C12orf75: variants seen among roughly 807,000 people sequenced by gnomAD.
C12orf75 encodes the protein chromosome 12 open reading frame 75, also known as overexpressed in colon carcinoma 1 protein.
A neutral mutation model predicts 11.4 loss-of-function variants in C12orf75; 4 were observed. That is an observed-to-expected ratio of 0.35 (90% CI 0.17 to 0.80). The LOEUF (loss-of-function observed/expected upper bound fraction) is 0.80, where lower values mean the gene tolerates loss of function less well. C12orf75 is among the 30% of genes least tolerant of loss of function. The pLI is 0.52. For synonymous variants in C12orf75, 30 were observed against 30.0 expected (o/e 1.00, Z 0.00); for missense variants, 89 against 80.4 (o/e 1.11, Z -0.41).
chr12:105,367,926 A>G (rs1871524236), intron 5 of C12orf75, among the ~76,000 whole-genome samples: 1 of 152,194 alleles, frequency 6.6e-6, no homozygotes. Context: ...GAGATGTGTC[A>G]GTACCAGAAC....
At chr12:105,339,424 A>C (rs1892539212) in intron 1 of C12orf75, among the ~76,000 whole-genome samples, 1 of 148,338 alleles carries the variant, frequency 6.7e-6, no homozygotes, top group African/African-American at 2.5e-5. Context: ...TTCTTCACAT[A>C]CATAATTTTA....
At chr12:105,343,041 T>G (rs1193367985) in intron 1 of C12orf75, among the ~76,000 whole-genome samples, 2 of 152,226 alleles carry the variant, frequency 1.3e-5, no homozygotes, top group Non-Finnish European at 2.9e-5. Flanking sequence ...TTCTTTACAT[T>G]CTATTTACAA....
intron 4 of C12orf75, 31 bp from the exon 5 acceptor site, chr12:105,367,441 A>G: frequency 1.3e-6 from 1 of 759,320 alleles, no homozygotes; most frequent in Non-Finnish European, 2.1e-6. Flanking sequence ...TATAATCTGA[A>G]CATTTAACTT....
At chr12:105,344,271 A>AAG (rs554727060) in intron 1 of C12orf75, among the ~76,000 whole-genome samples, 25 of 152,250 alleles carry the variant, frequency 1.6e-4, no homozygotes, top group Admixed American at 1.4e-3. Flanking sequence ...TGCTGAAACA[A>AAG]AGTGATTTAG....
chr12:105,367,622 AAGG>A, intron 5 of C12orf75, 113 bp downstream of exon 5: 1 of 329,826 alleles, frequency 3.0e-6, no homozygotes, highest in Non-Finnish European at 5.9e-6. Flanking sequence ...TTACAATTTA[AAGG>A]AGGGGTTTCA....
chr12:105,332,827 G>A (rs1892451206), intron 1 of C12orf75, among the ~76,000 whole-genome samples: 2 of 145,150 alleles, frequency 1.4e-5, no homozygotes, highest in Middle Eastern at 6.9e-3. Flanking sequence ...TCAAATTTGG[G>A]GGGAAAATAT....
intron 2 of C12orf75, among the ~76,000 whole-genome samples, chr12:105,361,910 T>A (rs1045396635): frequency 6.6e-5 from 10 of 152,224 alleles, no homozygotes; most frequent in African/African-American, 2.2e-4. Flanking sequence ...TAGATTCTAA[T>A]GTAACTGCTC....
chr12:105,353,163 A>G (rs995282020), intron 2 of C12orf75, among the ~76,000 whole-genome samples: 1 of 152,204 alleles, frequency 6.6e-6, no homozygotes, highest in Non-Finnish European at 1.5e-5. Flanking sequence ...TGGAGTGGAA[A>G]AGCTCCAGGG....
chr12:105,345,685 A>G (rs1391989166), intron 1 of C12orf75, among the ~76,000 whole-genome samples: 4 of 23,352 alleles, frequency 1.7e-4, no homozygotes, highest in African/African-American at 8.9e-4. Context: ...TTTTTGAGAC[A>G]GAGTCTTGCT....
intron 1 of C12orf75, among the ~76,000 whole-genome samples, chr12:105,343,160 A>G (rs1470049901): frequency 6.6e-6 from 1 of 152,256 alleles, no homozygotes; most frequent in Non-Finnish European, 1.5e-5. Flanking sequence ...AGTTTTGGGA[A>G]ATAGTCATTA....
chr12:105,349,489 G>T (rs1157361268), intron 2 of C12orf75, among the ~76,000 whole-genome samples: 1 of 152,226 alleles, frequency 6.6e-6, no homozygotes, highest in Non-Finnish European at 1.5e-5. Context: ...CTTCCTGCTG[G>T]CACAGGGAAG....
intron 2 of C12orf75, among the ~76,000 whole-genome samples, chr12:105,358,989 C>T (rs1018095420): frequency 5.3e-5 from 8 of 152,180 alleles, no homozygotes; most frequent in Non-Finnish European, 1.5e-5. Flanking sequence ...CCTTTCACTT[C>T]TCTAATGGAC....
At chr12:105,357,658 A>G (rs914403195) in intron 2 of C12orf75, among the ~76,000 whole-genome samples, 3 of 152,190 alleles carry the variant, frequency 2.0e-5, no homozygotes, top group African/African-American at 7.2e-5. Context: ...ATGATACTCA[A>G]CGGGTGGCTT....
At position 105,371,249 on chromosome 12, in the gene C12orf75, T is replaced by C. The variant is rs757448805; in HGVS notation, c.*649T>C. On this transcript the variant is annotated 3_prime_UTR_variant, in exon 6 of 6. Coordinates refer to ENST00000443585, the MANE Select transcript of C12orf75 (RefSeq NM_001145199.2). Reference sequence around the variant, plus strand: ...ATTTAAAAATAAACTCAAATTTGCATGCCATATGCACATTTTGATTACATT... The same window carrying C: ...ATTTAAAAATAAACTCAAATTTGCACGCCATATGCACATTTTGATTACATT... 6.5e-6 allele frequency: 1 copy of C among 152,694 alleles called. No homozygotes were observed. The highest frequency in any genetic ancestry group is 1.5e-5 in the Non-Finnish European group (1 of 68,338). The allele number at this position is 152,694 out of a possible 1,614,324, so 9.5% of individuals were successfully genotyped here.
At chr12:105,334,941 A>G (rs1367423751) in intron 1 of C12orf75, among the ~76,000 whole-genome samples, 1 of 152,228 alleles carries the variant, frequency 6.6e-6, no homozygotes, top group East Asian at 1.9e-4. Context: ...AGTTCCCCAT[A>G]TCTACAGTAG....
intron 2 of C12orf75, among the ~76,000 whole-genome samples, chr12:105,354,300 A>C (rs917263254): frequency 4.6e-5 from 7 of 152,230 alleles, no homozygotes; most frequent in African/African-American, 1.7e-4. Context: ...ATAACTGTGC[A>C]GGGTGATCAT....
intron 1 of C12orf75, among the ~76,000 whole-genome samples, chr12:105,340,430 CAAAAAAAAAA>C (rs60658476): frequency 8.7e-6 from 1 of 115,414 alleles, no homozygotes; most frequent in African/African-American, 3.3e-5. Flanking sequence ...GTGCCCCCGC[CAAAAAAAAAA>C]AAAAAAAAAA....
intron 2 of C12orf75, among the ~76,000 whole-genome samples, chr12:105,362,112 C>A (rs111733300): frequency 0.012 from 1,765 of 152,064 alleles, 40 homozygotes; most frequent in African/African-American, 0.039. Context: ...CCTGGCCGGG[C>A]GCGGTGGCTC....
At chr12:105,367,628 G>A (rs1871517542) in intron 5 of C12orf75, 119 bp downstream of exon 5, 4 of 323,688 alleles carry the variant, frequency 1.2e-5, no homozygotes, top group Non-Finnish European at 2.4e-5. Flanking sequence ...TTTAAAGGAG[G>A]GGTTTCATCC....
Sources: allele counts gnomAD v4.1 joint callset (sites outside exome capture counted in the v4.1 genomes callset), GRCh38; gene constraint gnomAD v4.1.1; transcripts MANE v1.5; gene names NCBI Gene and HGNC (gene_info 2026-07-23, HGNC 2026-07-21).